The following PTPRE variants were observed in gnomAD, a reference collection of about 807,000 sequenced individuals.
PTPRE encodes protein tyrosine phosphatase receptor type E.
In PTPRE, 51 loss-of-function variants were observed where a neutral mutation model predicts 102.0. The observed-to-expected ratio is 0.50, with a 90% CI of 0.40 to 0.63. The LOEUF (loss-of-function observed/expected upper bound fraction) is 0.63, where lower values mean the gene tolerates loss of function less well. Ranked by LOEUF, PTPRE falls within the 30% of genes least tolerant of loss-of-function variation. PTPRE has a pLI of 0.00. For synonymous variants in PTPRE, 345 were observed against 348.2 expected (o/e 0.99, Z 0.10); for missense variants, 752 against 915.1 (o/e 0.82, Z 2.30).
chr10:128,004,338 C>A (rs1334147030), intron 2 of PTPRE, among the ~76,000 whole-genome samples: 1 of 151,970 alleles, frequency 6.6e-6, no homozygotes, highest in African/African-American at 2.4e-5. Flanking sequence ...CAGTGTTGGG[C>A]AGCCATCACC....
intron 2 of PTPRE, among the ~76,000 whole-genome samples, chr10:127,986,790 G>A (rs1205222614): frequency 2.0e-5 from 3 of 152,240 alleles, no homozygotes; most frequent in African/African-American, 4.8e-5. Context: ...GGCTGCATCC[G>A]CTGGGGTGAC....
At chr10:127,964,196 G>A (rs1347966077) in intron 1 of PTPRE, among the ~76,000 whole-genome samples, 1 of 152,098 alleles carries the variant, frequency 6.6e-6, no homozygotes, top group African/African-American at 2.4e-5. Context: ...TTGAGACAGA[G>A]TCTTGCTCTG....
chr10:128,083,855 A>G lies in PTPRE; in HGVS notation c.*949A>G, dbSNP rs1127299. The G allele has an allele frequency of 0.55, 83,084 of 152,158 alleles. 22,878 individuals carry two copies. Among genetic ancestry groups the G allele is most frequent in the Admixed American group, 0.62 (9,469 of 15,294 alleles). The allele number at this position is 152,158 out of a possible 1,614,324, so 9.4% of individuals were successfully genotyped here. ...CACGCAGTACAGAGGAGCACACATT[A>G]GGATAGAAACAGTAGAATAACCACG... On this transcript the variant is annotated 3_prime_UTR_variant, in exon 21 of 21. Transcript: ENST00000254667.
At chr10:128,058,662 C>T (rs1239803261) in intron 7 of PTPRE, among the ~76,000 whole-genome samples, 7 of 152,170 alleles carry the variant, frequency 4.6e-5, no homozygotes, top group South Asian at 4.1e-4. Flanking sequence ...CTGCTCCACC[C>T]GCCCCCAGGG....
chr10:128,043,010 T>C (rs185190745), intron 3 of PTPRE, among the ~76,000 whole-genome samples: 2 of 152,128 alleles, frequency 1.3e-5, no homozygotes, highest in African/African-American at 4.8e-5. Flanking sequence ...TGGACCAAAA[T>C]GCAAAGGGTT....
chr10:127,996,394 G>A (rs1484477853), intron 2 of PTPRE, among the ~76,000 whole-genome samples: 1 of 152,208 alleles, frequency 6.6e-6, no homozygotes, highest in African/African-American at 2.4e-5. Flanking sequence ...TTGCACACCA[G>A]CAAACAGGGT....
intron 2 of PTPRE, among the ~76,000 whole-genome samples, chr10:127,989,279 G>A (rs1277156103): frequency 6.6e-6 from 1 of 152,158 alleles, no homozygotes; most frequent in Non-Finnish European, 1.5e-5. Context: ...TCATGTTTGT[G>A]AAATTATTAT....
chr10:127,988,839 TA>T (rs1852360667), intron 2 of PTPRE, among the ~76,000 whole-genome samples: 1 of 152,222 alleles, frequency 6.6e-6, no homozygotes, highest in East Asian at 1.9e-4. Flanking sequence ...TAACATTTTT[TA>T]AAACTGCTTA....
intron 11 of PTPRE, among the ~76,000 whole-genome samples, chr10:128,067,138 C>T (rs1471540907): frequency 8.3e-6 from 1 of 120,756 alleles, no homozygotes; most frequent in Non-Finnish European, 1.8e-5. Flanking sequence ...CGTTCACACA[C>T]ACATGTGCAC....
chr10:127,917,605 G>A (rs771650905), intron 1 of PTPRE, among the ~76,000 whole-genome samples: 11 of 152,138 alleles, frequency 7.2e-5, no homozygotes, highest in Non-Finnish European at 1.5e-4. Flanking sequence ...CCAGGAGGTC[G>A]AGGCTGCCAT....
chr10:128,062,756 C>A (rs915910414), intron 9 of PTPRE, among the ~76,000 whole-genome samples: 2 of 152,194 alleles, frequency 1.3e-5, no homozygotes, highest in Non-Finnish European at 2.9e-5. Context: ...CCAGTCTCTG[C>A]CTCTCGCAAG....
chr10:127,916,849 C>A (rs146347776), intron 1 of PTPRE, among the ~76,000 whole-genome samples: 1 of 152,258 alleles, frequency 6.6e-6, no homozygotes, highest in African/African-American at 2.4e-5. Context: ...TGGACTCATT[C>A]TCCAGAAAAA....
chr10:127,961,157 G>A (rs1009500184), intron 1 of PTPRE, among the ~76,000 whole-genome samples: 3 of 152,140 alleles, frequency 2.0e-5, no homozygotes, highest in Admixed American at 6.5e-5. Flanking sequence ...TCAGCCACAC[G>A]TGTCCAGCAT....
At chr10:128,015,154 T>C (rs1361014812) in intron 2 of PTPRE, among the ~76,000 whole-genome samples, 3 of 152,158 alleles carry the variant, frequency 2.0e-5, no homozygotes, top group Non-Finnish European at 4.4e-5. Context: ...CAAAAAGACC[T>C]GTACCCAAGC....
intron 1 of PTPRE, among the ~76,000 whole-genome samples, chr10:127,970,423 A>T (rs1008941495): frequency 8.6e-5 from 13 of 151,460 alleles, no homozygotes; most frequent in African/African-American, 3.2e-4. Context: ...CCCTCTACCC[A>T]CCCCAGGACT....
intron 17 of PTPRE, 54 bp from the exon 18 acceptor site, chr10:128,076,549 C>A: frequency 6.6e-7 from 1 of 1,510,364 alleles, no homozygotes; most frequent in South Asian, 1.3e-5. Flanking sequence ...AACTCAAAAT[C>A]GCCAGCAGCA....
intron 2 of PTPRE, among the ~76,000 whole-genome samples, chr10:127,996,231 C>T (rs989963606): frequency 1.3e-5 from 2 of 152,148 alleles, no homozygotes; most frequent in African/African-American, 4.8e-5. Flanking sequence ...GTAACTTTAC[C>T]TATGTTTCAC....
intron 2 of PTPRE, among the ~76,000 whole-genome samples, chr10:127,993,143 AC>A (rs1852858688): frequency 6.6e-6 from 1 of 152,152 alleles, no homozygotes; most frequent in African/African-American, 2.4e-5. Flanking sequence ...AAGACAGAGA[AC>A]TACATCAGGG....
At chr10:128,066,255 A>G in intron 11 of PTPRE, 61 bp downstream of exon 11, 1 of 1,588,046 alleles carries the variant, frequency 6.3e-7, no homozygotes, top group Non-Finnish European at 8.6e-7. Context: ...TCATGCCCAG[A>G]GTTAACATCC....
Sources: allele counts gnomAD v4.1 joint callset (sites outside exome capture counted in the v4.1 genomes callset), GRCh38; gene constraint gnomAD v4.1.1; transcripts MANE v1.5; gene names NCBI Gene and HGNC (gene_info 2026-07-23, HGNC 2026-07-21).